ZSCAN25: variants seen among roughly 807,000 people sequenced by gnomAD.
The protein encoded by ZSCAN25 is zinc finger and SCAN domain-containing protein 25.
ZSCAN25 carries 27 observed loss-of-function variants against 38.7 expected under a neutral mutation model. The ratio of observed to expected loss-of-function variants is 0.70; its 90% CI spans 0.51 to 0.96. ZSCAN25 has a LOEUF of 0.96. Among genes scored for constraint, ZSCAN25 ranks in the 40% least tolerant of loss-of-function variants. The pLI is 0.00. For missense variants in ZSCAN25, 637 were observed against 705.9 expected, an observed-to-expected ratio of 0.90 and a Z score of 1.11; for synonymous variants, 273 against 277.7, an observed-to-expected ratio of 0.98 and a Z score of 0.17.
At chr7:99,685,176 C>G in the ZSCAN25 span, 2 of 1,612,824 alleles carry the variant, frequency 1.2e-6, no homozygotes, top group African/African-American at 1.3e-5. Flanking sequence ...TTGACTCAAC[C>G]TTTAGAACAA....
the ZSCAN25 span, among the ~76,000 whole-genome samples, chr7:99,724,613 C>G: frequency 3.9e-5 from 6 of 152,106 alleles, no homozygotes; most frequent in African/African-American, 1.4e-4. Context: ...CTTCCTCATC[C>G]TCTGCTCCCC....
chr7:99,622,729 C>A, intron 6 of ZSCAN25, 89 bp downstream of exon 6: 1 of 1,242,340 alleles, frequency 8.0e-7, no homozygotes, highest in Non-Finnish European at 1.1e-6. Context: ...ACAGTGTTCC[C>A]TTCCCGCCCC....
At chr7:99,690,081 G>A in the ZSCAN25 span, among the ~76,000 whole-genome samples, 1 of 152,214 alleles carries the variant, frequency 6.6e-6, no homozygotes, top group Admixed American at 6.5e-5. Flanking sequence ...AAAACAGCAT[G>A]GTACTGGTAC....
At chr7:99,698,286 C>T in the ZSCAN25 span, among the ~76,000 whole-genome samples, 3 of 152,232 alleles carry the variant, frequency 2.0e-5, no homozygotes, top group Non-Finnish European at 2.9e-5. Context: ...TGGCAGACCA[C>T]GCACACAGTG....
In ZSCAN25 at chr7:99,622,509, G is replaced by C. The variant is rs762495783; in HGVS notation, c.590-40G>C. 1.6e-5 allele frequency: 25 copies of C among 1,586,492 alleles called. No individual in the cohort carries two copies. The East Asian group carries it at 5.6e-4, about 35-fold the overall frequency. On this transcript the variant is annotated intron_variant, in intron 5 of 7. Transcript: ENST00000394152. ...AACGAGCTAACAGCATAACATCACT[G>C]ATCCTTCTGATCTTTCTCATGCTTT...
At chr7:99,655,905 T>C in the ZSCAN25 span, among the ~76,000 whole-genome samples, 21 of 152,146 alleles carry the variant, frequency 1.4e-4, no homozygotes, top group Admixed American at 9.2e-4. Flanking sequence ...TATAAGAATA[T>C]TTGTGATTTT....
At chr7:99,737,901 A>G in the ZSCAN25 span, among the ~76,000 whole-genome samples, 20 of 152,248 alleles carry the variant, frequency 1.3e-4, no homozygotes, top group Non-Finnish European at 5.9e-5. Flanking sequence ...AACATCTTCT[A>G]ACATGTAGGG....
chr7:99,662,834 C>A, the ZSCAN25 span: 1 of 1,613,996 alleles, frequency 6.2e-7, no homozygotes, highest in Non-Finnish European at 8.5e-7. This position sits in a 1 kb window ranked among gnomAD's most constrained non-coding sequence, Gnocchi z 4.3. Flanking sequence ...GACTCAGTTT[C>A]TTTCGAATTC....
At chr7:99,675,690 TTCTC>T in the ZSCAN25 span, among the ~76,000 whole-genome samples, 3 of 8,748 alleles carry the variant, frequency 3.4e-4, no homozygotes, top group African/African-American at 7.9e-4. Context: ...CTCTCTTTCT[TTCTC>T]TCTCTCTCTT....
At chr7:99,717,035 G>C in the ZSCAN25 span, 4 of 817,270 alleles carry the variant, frequency 4.9e-6, no homozygotes, top group Non-Finnish European at 6.1e-6. Flanking sequence ...CCCCATCTTG[G>C]GAGACCCATT....
At chr7:99,700,796 C>T in the ZSCAN25 span, among the ~76,000 whole-genome samples, 1 of 152,178 alleles carries the variant, frequency 6.6e-6, no homozygotes, top group Non-Finnish European at 1.5e-5. Flanking sequence ...GGTGAGATTG[C>T]TGGGCCCCTG....
chr7:99,667,362 G>A, the ZSCAN25 span, among the ~76,000 whole-genome samples: 1 of 152,140 alleles, frequency 6.6e-6, no homozygotes, highest in South Asian at 2.1e-4. Flanking sequence ...TCTTCCAGTG[G>A]AATAGACAGG....
At chr7:99,727,305 C>A in the ZSCAN25 span, among the ~76,000 whole-genome samples, 3 of 152,230 alleles carry the variant, frequency 2.0e-5, no homozygotes, top group Admixed American at 2.0e-4. Context: ...TGCCACCACC[C>A]TAATACTTTT....
chr7:99,720,639 G>T, the ZSCAN25 span: 1 of 472,920 alleles, frequency 2.1e-6, no homozygotes, highest in Non-Finnish European at 3.8e-6. Context: ...ACAGGGAAGA[G>T]AGATTGAAAG....
chr7:99,731,042 A>C, the ZSCAN25 span: 44 of 1,613,376 alleles, frequency 2.7e-5, no homozygotes, highest in Non-Finnish European at 3.6e-5. Flanking sequence ...CAAAAGAGGA[A>C]GCTCAAAAAC....
the ZSCAN25 span, chr7:99,650,257 T>C: frequency 6.2e-7 from 1 of 1,606,292 alleles, no homozygotes; most frequent in Non-Finnish European, 8.5e-7. Flanking sequence ...GTAGATTAAA[T>C]AGTTAATGAA....
chr7:99,685,293 TA>T, the ZSCAN25 span: 9 of 1,605,216 alleles, frequency 5.6e-6, no homozygotes, highest in Non-Finnish European at 7.7e-6. Context: ...TTAGAAACTG[TA>T]GCATCAAAGT....
chr7:99,728,203 A>T, the ZSCAN25 span, among the ~76,000 whole-genome samples: 1 of 152,110 alleles, frequency 6.6e-6, no homozygotes, highest in Non-Finnish European at 1.5e-5. Flanking sequence ...GGCCCATTCT[A>T]TTCTGTTGTC....
At chr7:99,650,315 A>AC in the ZSCAN25 span, 1 of 1,243,250 alleles carries the variant, frequency 8.0e-7, no homozygotes, top group Non-Finnish European at 1.2e-6. Flanking sequence ...CTTAAGAACA[A>AC]CCCCCCTCCA....
Sources: gnomAD v4.1 joint callset for allele counts (sites outside exome capture counted in the v4.1 genomes callset) on GRCh38, gnomAD v4.1.1 for gene constraint, Gnocchi (gnomAD v3.1) non-coding constraint, MANE v1.5 for transcripts, NCBI Gene and HGNC (gene_info 2026-07-23, HGNC 2026-07-21) for gene names.